Variants in TUT4 observed in about 807,000 individuals in gnomAD.
The protein encoded by TUT4 is terminal uridylyltransferase 4.
TUT4 carries 36 observed loss-of-function variants against 192.2 expected under a neutral mutation model. The ratio of observed to expected loss-of-function variants is 0.19; its 90% CI spans 0.14 to 0.25. TUT4 has a LOEUF of 0.25. Ranked by LOEUF, TUT4 falls within the 10% of genes least tolerant of loss-of-function variation. The pLI, the probability that TUT4 is intolerant of heterozygous loss-of-function variation, is 1.00. For synonymous variants in TUT4, 618 were observed against 666.0 expected (o/e 0.93, Z 1.11); for missense variants, 1,493 against 1,957.2 (o/e 0.76, Z 4.47).
chr1:52,454,393 T>C (rs1344530277), intron 20 of TUT4, among the ~76,000 whole-genome samples: 1 of 152,100 alleles, frequency 6.6e-6, no homozygotes, highest in African/African-American at 2.4e-5. Context: ...AATGCAACAG[T>C]GGAGGGCCCA....
intron 1 of TUT4, among the ~76,000 whole-genome samples, chr1:52,527,287 C>T (rs925987922): frequency 2.6e-5 from 4 of 152,222 alleles, no homozygotes; most frequent in African/African-American, 9.6e-5. Context: ...ATGGCTCATG[C>T]CTGTAATCCC....
At chr1:52,553,148 A>T (rs1305918291), upstream of TUT4, 1 of 149,292 alleles carries the variant, frequency 6.7e-6, no homozygotes, top group Non-Finnish European at 1.5e-5. Context: ...GGAGAGGGAG[A>T]GAAAGAGGAG....
chr1:52,485,720 C>T (rs1669628533), intron 9 of TUT4, among the ~76,000 whole-genome samples: 1 of 151,926 alleles, frequency 6.6e-6, no homozygotes, highest in African/African-American at 2.4e-5. Flanking sequence ...ATTATGTGAA[C>T]AGACTTCCTG....
At position 52,526,035 on chromosome 1, in the gene TUT4, A is replaced by G. The variant is rs1256022208; in HGVS notation, c.246T>C (p.Gly82=). 1 of 1,612,654 alleles carries G rather than the reference A, an allele frequency of 6.2e-7. No homozygotes were observed. The highest frequency in any genetic ancestry group is 2.2e-5 in the East Asian group (1 of 44,874). ...GAAGGACTAACCCCAAATCTTTAGG[A>G]CCTGGAAGGTTGGCAGCATTTACTT... ...SCKVNAANLP[G]PKDLGLVLRD... Residue 82 remains glycine (G), a synonymous_variant, in exon 2 of 30, where the codon GGT becomes GGC. Coordinates refer to ENST00000257177, the MANE Select transcript of TUT4 (RefSeq NM_001009881.3).
intron 19 of TUT4, 40 bp downstream of exon 19, chr1:52,461,094 T>G (rs777803060): frequency 1.4e-6 from 2 of 1,442,924 alleles, no homozygotes; most frequent in South Asian, 2.8e-5. Flanking sequence ...TCATTTTAAT[T>G]ATCATGAACA....
intron 26 of TUT4, among the ~76,000 whole-genome samples, chr1:52,436,340 G>A (rs1419223374): frequency 6.6e-6 from 1 of 152,104 alleles, no homozygotes; most frequent in African/African-American, 2.4e-5. Flanking sequence ...CTAAAAATTA[G>A]CTGGGCGTGG....
At position 52,424,008 on chromosome 1, in the gene TUT4, G is replaced by A. The variant is rs1438405810; in HGVS notation, c.4871-6C>T. Reference sequence around the variant, plus strand: ...CCGACGGGTGGCACATCTGTCTGTTGGATACAACACAGACAGGAAACTGAA... The same window carrying A: ...CCGACGGGTGGCACATCTGTCTGTTAGATACAACACAGACAGGAAACTGAA... On this transcript the variant is annotated splice_polypyrimidine_tract_variant and splice_region_variant and intron_variant, in intron 29 of 29. Coordinates refer to ENST00000257177, the MANE Select transcript of TUT4 (RefSeq NM_001009881.3). The A allele has an allele frequency of 1.9e-6, 3 of 1,607,652 alleles. No homozygotes were observed. The highest frequency in any genetic ancestry group is 2.5e-6 in the Non-Finnish European group (3 of 1,177,002).
intron 20 of TUT4, among the ~76,000 whole-genome samples, chr1:52,455,315 T>C (rs1042015658): frequency 6.6e-6 from 1 of 151,800 alleles, no homozygotes; most frequent in African/African-American, 2.4e-5. Flanking sequence ...TAAAACAAAA[T>C]ATTAGATTGA....
At chr1:52,533,728 G>A (rs113837672) in intron 1 of TUT4, among the ~76,000 whole-genome samples, 1,950 of 152,212 alleles carry the variant, frequency 0.013, 21 homozygotes, top group Middle Eastern at 0.02. Context: ...AGCACTTTGG[G>A]AGGCTAAGGC....
chr1:52,464,496 C>T (rs916199303), intron 16 of TUT4, among the ~76,000 whole-genome samples: 1 of 152,056 alleles, frequency 6.6e-6, no homozygotes, highest in Non-Finnish European at 1.5e-5. Context: ...CCTCATGATC[C>T]GCCCACCTTG....
chr1:52,524,751 G>A (rs1467884922), intron 2 of TUT4, among the ~76,000 whole-genome samples: 2 of 151,602 alleles, frequency 1.3e-5, no homozygotes, highest in Non-Finnish European at 2.9e-5. Context: ...TGCAGTGAGT[G>A]GAGATCGCAC....
At chr1:52,552,518 G>C (rs1252395625) in intron 1 of TUT4, among the ~76,000 whole-genome samples, 1 of 152,196 alleles carries the variant, frequency 6.6e-6, no homozygotes, top group Non-Finnish European at 1.5e-5. Flanking sequence ...GTCTAAGCAA[G>C]GGTGAAAGAA....
chr1:52,448,127 T>TA (rs1390267417), intron 20 of TUT4, among the ~76,000 whole-genome samples: 1 of 152,246 alleles, frequency 6.6e-6, no homozygotes, highest in Non-Finnish European at 1.5e-5. Flanking sequence ...GAACACTTAA[T>TA]ATATGTTTGT....
At chr1:52,468,041 ATC>A (rs1474090190) in intron 15 of TUT4, 138 bp downstream of exon 15, 2 of 595,966 alleles carry the variant, frequency 3.4e-6, no homozygotes, top group African/African-American at 2.0e-5. Context: ...ATGAGGTTTC[ATC>A]TCTTTTATTA....
chr1:52,458,527 A>C, intron 19 of TUT4, 78 bp from the exon 20 acceptor site: 1 of 1,096,732 alleles, frequency 9.1e-7, no homozygotes, highest in Non-Finnish European at 1.3e-6. Context: ...CTGCCACATC[A>C]TTTTTTTTAA....
intron 20 of TUT4, among the ~76,000 whole-genome samples, chr1:52,456,505 GAAAA>G (rs1489681603): frequency 1.8e-5 from 2 of 110,782 alleles, no homozygotes; most frequent in Admixed American, 8.9e-5. Flanking sequence ...AAAAAAGAAA[GAAAA>G]AGAAAAAGAA....
intron 1 of TUT4, among the ~76,000 whole-genome samples, chr1:52,537,215 G>A (rs74479812): frequency 0.028 from 4,242 of 152,032 alleles, 78 homozygotes; most frequent in South Asian, 0.063. Context: ...TGGCAAATTG[G>A]AAAACACAAT....
Position 52,498,902 on chromosome 1 carries a change from TTA to T in TUT4, c.1000-1721_1000-1720del, listed in dbSNP as rs60991652. On this transcript the variant is annotated intron_variant, in intron 4 of 29. Transcript: ENST00000257177. The stretch of plus-strand genomic sequence containing the variant: ...ACTCCATTACAAAAAAAAAAAAAAA[TTA>T]TATATATATATATATATATATATAT... 2.4e-3 allele frequency among the ~76,000 whole-genome samples: 57 copies of T among 23,284 alleles called. 1 individual carries two copies. The highest frequency in any genetic ancestry group is 3.2e-3 in the Non-Finnish European group (44 of 13,758). 15.3% of individuals were successfully genotyped at this position (23,284 alleles called of 152,430 possible). A position where few individuals can be genotyped will look rare whatever the true frequency, so the allele number is the denominator to read the frequency against.
At chr1:52,461,295 A>AC in intron 18 of TUT4, 72 bp from the exon 19 acceptor site, 3 of 1,391,334 alleles carry the variant, frequency 2.2e-6, no homozygotes, top group Non-Finnish European at 2.0e-6. Context: ...ATTTAAAAGT[A>AC]AAATACACTC....
Sources: allele counts gnomAD v4.1 joint callset (sites outside exome capture counted in the v4.1 genomes callset), GRCh38; gene constraint gnomAD v4.1.1; transcripts MANE v1.5; gene names NCBI Gene and HGNC (gene_info 2026-07-23, HGNC 2026-07-21).